NTN1: variants seen among roughly 807,000 people sequenced by gnomAD.
NTN1 encodes netrin-1.
In NTN1, 11 loss-of-function variants were observed where a neutral mutation model predicts 54.2. The observed-to-expected ratio is 0.20, with a 90% CI of 0.13 to 0.34. The LOEUF is 0.34. NTN1 is among the 10% of genes least tolerant of loss of function. NTN1 has a pLI of 1.00. For missense variants in NTN1, 740 were observed against 893.1 expected, an observed-to-expected ratio of 0.83 and a Z score of 2.18; for synonymous variants, 371 against 382.0, an observed-to-expected ratio of 0.97 and a Z score of 0.33.
At chr17:9,150,416 C>T (rs750524146) in intron 2 of NTN1, among the ~76,000 whole-genome samples, 73 of 152,274 alleles carry the variant, frequency 4.8e-4, no homozygotes, top group Middle Eastern at 3.4e-3. Context: ...GTGGAGAAGG[C>T]GTAGAGTTGT....
chr17:9,007,118 T>C, the NTN1 span, among the ~76,000 whole-genome samples: 3 of 152,322 alleles, frequency 2.0e-5, no homozygotes, highest in East Asian at 3.9e-4. Flanking sequence ...CTTTTCTTTT[T>C]TCTCTCTCTT....
intron 6 of NTN1, among the ~76,000 whole-genome samples, chr17:9,234,379 G>A (rs1905910969): frequency 6.6e-6 from 1 of 152,212 alleles, no homozygotes; most frequent in African/African-American, 2.4e-5. Context: ...GACGAGGGGT[G>A]GCCCATGGGC....
intron 2 of NTN1, among the ~76,000 whole-genome samples, chr17:9,154,670 A>G (rs900122872): frequency 2.4e-4 from 36 of 152,332 alleles, no homozygotes; most frequent in Non-Finnish European, 4.0e-4. Flanking sequence ...CTGGAGGCGG[A>G]ATACCTAAAA....
chr17:9,131,968 A>G (rs1220262981), intron 2 of NTN1, among the ~76,000 whole-genome samples: 3 of 146,772 alleles, frequency 2.0e-5, no homozygotes, highest in African/African-American at 7.8e-5. Flanking sequence ...ACGCCCGGCT[A>G]ATTTTTTGTA....
chr17:9,228,776 G>T (rs1384809874), intron 6 of NTN1, among the ~76,000 whole-genome samples: 1 of 151,684 alleles, frequency 6.6e-6, no homozygotes, highest in Non-Finnish European at 1.5e-5. Context: ...AACTCAAGGA[G>T]GATGTTCTGT....
rs1400510763 is a variant in NTN1 at position 9,022,851 on chromosome 17, G to A, written c.478G>A (p.Ala160Thr). The change falls in exon 2 of 7, where the codon GCC becomes ACC. Residue 160 changes from alanine (A) to threonine (T), a missense_variant. By Grantham distance (58) the Ala-to-Thr change is moderately conservative. Coordinates refer to ENST00000173229, the MANE Select transcript of NTN1 (RefSeq NM_004822.3). The part of the protein sequence containing the change: ...QFCSPRPESM[A>T]IYKSMDYGRT... The stretch of plus-strand genomic sequence containing the variant: ...CTGCTCGCCGCGGCCCGAGTCCATG[G>A]CCATCTACAAGTCCATGGACTACGG... 1.4e-5 allele frequency: 23 copies of A among 1,611,346 alleles called. No homozygotes were observed. Among genetic ancestry groups the A allele is most frequent in the Non-Finnish European group, 1.9e-5 (22 of 1,179,568 alleles).
chr17:9,179,601 T>C (rs1380533140), intron 3 of NTN1, among the ~76,000 whole-genome samples: 3 of 152,208 alleles, frequency 2.0e-5, no homozygotes, highest in East Asian at 3.9e-4. Context: ...GTCGGTCCAT[T>C]TTGGTTTTTA....
chr17:9,154,561 T>G (rs930377554), intron 2 of NTN1, among the ~76,000 whole-genome samples: 2 of 152,158 alleles, frequency 1.3e-5, no homozygotes, highest in Non-Finnish European at 2.9e-5. Flanking sequence ...TGGCTCAGAA[T>G]GATCCCCAGG....
intron 2 of NTN1, among the ~76,000 whole-genome samples, chr17:9,063,473 A>C (rs1248304604): frequency 6.6e-6 from 1 of 152,178 alleles, no homozygotes; most frequent in Non-Finnish European, 1.5e-5. Context: ...GTCCAAACTC[A>C]AAGTCAGGAT....
At chr17:9,208,612 C>T (rs1035416235) in intron 5 of NTN1, among the ~76,000 whole-genome samples, 7 of 152,206 alleles carry the variant, frequency 4.6e-5, no homozygotes, top group Admixed American at 2.0e-4. Context: ...GAACAGATTC[C>T]AAGCACAAGT....
intron 2 of NTN1, among the ~76,000 whole-genome samples, chr17:9,086,631 T>C (rs551485883): frequency 5.3e-5 from 8 of 152,222 alleles, no homozygotes; most frequent in African/African-American, 1.9e-4. Flanking sequence ...ACCAAACAGA[T>C]CATCACTGTG....
rs186710188 is a variant in NTN1, at chr17:9,148,567, C to T, written c.1019-14246C>T. On this transcript the variant is annotated intron_variant, in intron 2 of 6. Transcript: ENST00000173229. ...ATACTTTTACTAAAAATGATTTGTG[C>T]CATTCAAATTTAACTGGGTGTTCTG... Among the ~76,000 whole-genome samples, 3 of 152,216 alleles carry T rather than the reference C, an allele frequency of 2.0e-5. No individual in the cohort carries two copies. In the East Asian group the frequency reaches 5.8e-4, roughly 29 times the overall value.
rs1453066000 is a variant in NTN1, at chr17:9,242,568, A to C, written c.*2600A>C. On this transcript the variant is annotated 3_prime_UTR_variant, in exon 7 of 7. Coordinates refer to ENST00000173229, the MANE Select transcript of NTN1 (RefSeq NM_004822.3). ...TCAGCAACGGAGCTGGCGACACGCC[A>C]AGCAACAAGGCATCTTGCGGAAAAT... 4 of 152,276 alleles carry C rather than the reference A, an allele frequency of 2.6e-5. No homozygotes were observed. The highest frequency in any genetic ancestry group is 9.6e-5 in the African/African-American group (4 of 41,466). The allele number at this position is 152,276 out of a possible 1,614,324, so 9.4% of individuals were successfully genotyped here.
At chr17:9,068,478 C>T (rs1422408317) in intron 2 of NTN1, among the ~76,000 whole-genome samples, 1 of 151,690 alleles carries the variant, frequency 6.6e-6, no homozygotes, top group Non-Finnish European at 1.5e-5. Context: ...AGCTGCTGCA[C>T]CTGGCCAGAT....
At chr17:9,179,749 C>T (rs111483406) in intron 3 of NTN1, 58 bp from the exon 4 acceptor site, 22 of 1,567,934 alleles carry the variant, frequency 1.4e-5, no homozygotes, top group African/African-American at 1.1e-4. Context: ...GAAGGCTCTG[C>T]GGGGATGCAC....
chr17:9,105,049 G>C (rs569061136), intron 2 of NTN1, among the ~76,000 whole-genome samples: 1 of 152,186 alleles, frequency 6.6e-6, no homozygotes, highest in Admixed American at 6.5e-5. Flanking sequence ...TGTGGGGCCC[G>C]TGAGAGACCC....
In NTN1 at chr17:9,022,730, C is replaced by T; in HGVS notation, c.357C>T (p.Cys119=). 6.2e-7 allele frequency: 1 copy of T among 1,606,998 alleles called. No homozygotes were observed. ...TDLNNPHNLT[C]WQSENYLQFP... ...TCAACAACCCGCACAACCTGACGTG[C>T]TGGCAGTCCGAGAACTACCTGCAGT... The change falls in exon 2 of 7, where the codon TGC becomes TGT. Residue 119 remains cysteine (C), a synonymous_variant. Transcript: ENST00000173229.
At chr17:9,041,174 A>G (rs561324544) in intron 2 of NTN1, among the ~76,000 whole-genome samples, 12 of 152,324 alleles carry the variant, frequency 7.9e-5, no homozygotes, top group South Asian at 2.1e-4. Flanking sequence ...TTGACTATTA[A>G]TGTAATGCAT....
intron 6 of NTN1, among the ~76,000 whole-genome samples, chr17:9,228,332 G>A (rs766230864): frequency 1.3e-5 from 2 of 152,216 alleles, no homozygotes; most frequent in African/African-American, 2.4e-5. Context: ...ACGAGGAAAC[G>A]GGAGAAGAGT....
Sources: gnomAD v4.1 joint callset for allele counts (sites outside exome capture counted in the v4.1 genomes callset) on GRCh38, gnomAD v4.1.1 for gene constraint, MANE v1.5 for transcripts, NCBI Gene and HGNC (gene_info 2026-07-23, HGNC 2026-07-21) for gene names.